Variants in B4GALT6 observed in about 807,000 individuals in gnomAD.
B4GALT6 encodes the protein beta-1,4-galactosyltransferase 6, also known as UDP-Gal:beta-GlcNAc beta-1,4-galactosyltransferase 6.
In B4GALT6, 14 loss-of-function variants were observed where a neutral mutation model predicts 46.3. That is an observed-to-expected ratio of 0.30 (90% CI 0.20 to 0.47). The LOEUF is 0.47. Ranked by LOEUF, B4GALT6 falls within the 20% of genes least tolerant of loss-of-function variation. The pLI is 0.99. For missense variants in B4GALT6, 386 were observed against 480.1 expected, an observed-to-expected ratio of 0.80 and a Z score of 1.83; for synonymous variants, 168 against 162.0, an observed-to-expected ratio of 1.04 and a Z score of -0.28.
chr18:31,703,243 T>C, the B4GALT6 span, among the ~76,000 whole-genome samples: 212 of 152,192 alleles, frequency 1.4e-3, no homozygotes, highest in African/African-American at 5.0e-3. Context: ...TTCATAAGAA[T>C]GGGCAGAAAG....
At chr18:31,696,232 CA>C in the B4GALT6 span, among the ~76,000 whole-genome samples, 1 of 151,884 alleles carries the variant, frequency 6.6e-6, no homozygotes, top group Non-Finnish European at 1.5e-5. Flanking sequence ...GATAATTGAG[CA>C]AAGTAAAATG....
At chr18:31,709,959 G>A in the B4GALT6 span, among the ~76,000 whole-genome samples, 33 of 151,918 alleles carry the variant, frequency 2.2e-4, no homozygotes, top group Non-Finnish European at 4.0e-4. Flanking sequence ...GCTGGGTTTG[G>A]TGGTGCACGC....
chr18:31,655,510 C>T (rs1246613870), intron 3 of B4GALT6, among the ~76,000 whole-genome samples: 1 of 152,184 alleles, frequency 6.6e-6, no homozygotes, highest in Non-Finnish European at 1.5e-5. Context: ...CCACGCACGA[C>T]GCAATCTCTC....
Position 31,622,761 on chromosome 18 carries a change from AT to A in B4GALT6, c.*2852del, listed in dbSNP as rs1440752826. On this transcript the variant is annotated 3_prime_UTR_variant, in exon 9 of 9. Transcript: ENST00000306851. ...AAAAACTTAAATGTAGATTTAAAAA[AT>A]ACTCATAAAACCCTAGTTTTAGCAA... is the stretch of plus-strand genomic sequence containing the variant. 1.3e-5 allele frequency: 2 copies of A among 152,118 alleles called. No individual in the cohort carries two copies. The highest frequency in any genetic ancestry group is 2.9e-5 in the Non-Finnish European group (2 of 67,942). The allele number at this position is 152,118 out of a possible 1,614,324, so 9.4% of individuals were successfully genotyped here. A position where few individuals can be genotyped will look rare whatever the true frequency, so the allele number is the denominator to read the frequency against.
chr18:31,652,881 T>C (rs2074091095), intron 3 of B4GALT6, among the ~76,000 whole-genome samples: 4 of 152,198 alleles, frequency 2.6e-5, no homozygotes, highest in Admixed American at 2.6e-4. Context: ...GATCCCAGTA[T>C]TTCTCCATTC....
At chr18:31,718,660 G>A in the B4GALT6 span, among the ~76,000 whole-genome samples, 2 of 152,064 alleles carry the variant, frequency 1.3e-5, no homozygotes, top group East Asian at 3.9e-4. Flanking sequence ...GAGCCAAAAG[G>A]GAGGGTGTGA....
At chr18:31,643,660 G>A (rs2073957040) in intron 4 of B4GALT6, among the ~76,000 whole-genome samples, 1 of 152,134 alleles carries the variant, frequency 6.6e-6, no homozygotes, top group Admixed American at 6.5e-5. Context: ...GTAGTTTACA[G>A]TCAGTCTACT....
At chr18:31,649,575 CAA>C (rs66578099) in intron 3 of B4GALT6, among the ~76,000 whole-genome samples, 19,359 of 102,320 alleles carry the variant, frequency 0.19, 1,389 homozygotes, top group East Asian at 0.29. Context: ...AAAAAATGAG[CAA>C]AAAAAAAAAA....
At chr18:31,699,520 T>G in the B4GALT6 span, among the ~76,000 whole-genome samples, 1 of 151,302 alleles carries the variant, frequency 6.6e-6, no homozygotes, top group African/African-American at 2.4e-5. Flanking sequence ...GTGATCTGCC[T>G]GCCTCGGCCT....
At chr18:31,645,300 C>A in intron 4 of B4GALT6, 55 bp downstream of exon 4, 1 of 1,600,628 alleles carries the variant, frequency 6.2e-7, no homozygotes, top group Admixed American at 1.8e-5. Context: ...CAAGCACATT[C>A]TTTCCTCAAA....
chr18:31,643,968 G>T (rs1375352549), intron 4 of B4GALT6, among the ~76,000 whole-genome samples: 3 of 152,218 alleles, frequency 2.0e-5, no homozygotes, highest in Admixed American at 2.0e-4. Flanking sequence ...GCACCCAAGT[G>T]TTAAAAATAA....
chr18:31,713,567 C>T, the B4GALT6 span, among the ~76,000 whole-genome samples: 1 of 152,134 alleles, frequency 6.6e-6, no homozygotes, highest in African/African-American at 2.4e-5. Flanking sequence ...AGCATGCAAG[C>T]CTGCTAAGAC....
chr18:31,653,674 T>C (rs1212637009), intron 3 of B4GALT6, among the ~76,000 whole-genome samples: 1 of 151,998 alleles, frequency 6.6e-6, no homozygotes, highest in Non-Finnish European at 1.5e-5. Context: ...CTTGAACTCC[T>C]GACCTCAAGT....
intron 1 of B4GALT6, among the ~76,000 whole-genome samples, chr18:31,666,986 A>G (rs956174762): frequency 1.3e-5 from 2 of 152,220 alleles, no homozygotes; most frequent in East Asian, 1.9e-4. Flanking sequence ...ATCAAAATCA[A>G]TGTGTATTTT....
chr18:31,629,201 C>CT (rs1319309053), intron 6 of B4GALT6, among the ~76,000 whole-genome samples: 1 of 151,924 alleles, frequency 6.6e-6, no homozygotes, highest in Non-Finnish European at 1.5e-5. Context: ...ATTGGTAAGG[C>CT]TTTTGGCTAA....
chr18:31,670,089 T>A (rs2074332777), intron 1 of B4GALT6, among the ~76,000 whole-genome samples: 1 of 151,900 alleles, frequency 6.6e-6, no homozygotes, highest in African/African-American at 2.4e-5. Flanking sequence ...GGTCTCACTC[T>A]GTCATCCAGG....
chr18:31,642,874 G>A (rs115259905), intron 4 of B4GALT6, among the ~76,000 whole-genome samples: 15,788 of 152,010 alleles, frequency 0.1, 883 homozygotes, highest in African/African-American at 0.14. Flanking sequence ...TAGTAGAGAC[G>A]GGGTCTCAAC....
chr18:31,694,948 A>G, the B4GALT6 span, among the ~76,000 whole-genome samples: 109 of 152,332 alleles, frequency 7.2e-4, no homozygotes, highest in African/African-American at 2.5e-3. Context: ...ATACATAGAT[A>G]TTTCATTTTA....
upstream of B4GALT6, among the ~76,000 whole-genome samples, chr18:31,690,287 A>G (rs2030065689): frequency 1.3e-5 from 2 of 151,778 alleles, no homozygotes; most frequent in South Asian, 2.1e-4. Context: ...GCCCACCACC[A>G]TGCCTGTCAA....
Sources: allele counts gnomAD v4.1 joint callset (sites outside exome capture counted in the v4.1 genomes callset), GRCh38; gene constraint gnomAD v4.1.1; transcripts MANE v1.5; gene names NCBI Gene and HGNC (gene_info 2026-07-23, HGNC 2026-07-21).